KCNT1: variants seen among roughly 807,000 people sequenced by gnomAD.
KCNT1 encodes the protein potassium channel subfamily T member 1.
In KCNT1, 78 loss-of-function variants were observed where a neutral mutation model predicts 147.8. That is an observed-to-expected ratio of 0.53 (90% CI 0.44 to 0.64). The LOEUF (loss-of-function observed/expected upper bound fraction) is 0.64, where lower values mean the gene tolerates loss of function less well. Among genes scored for constraint, KCNT1 ranks in the 30% least tolerant of loss-of-function variants. The pLI, the probability that KCNT1 is intolerant of heterozygous loss-of-function variation, is 0.00. For missense variants in KCNT1, 1,419 were observed against 1,750.3 expected (o/e 0.81, Z 3.38); for synonymous variants, 867 against 748.8 (o/e 1.16, Z -2.58).
chr9:135,759,226 G>A (rs530660022), intron 10 of KCNT1, among the ~76,000 whole-genome samples: 196 of 152,316 alleles, frequency 1.3e-3, no homozygotes, highest in African/African-American at 2.0e-3. Flanking sequence ...TGGCTGTGCC[G>A]GGCAGAGGCC....
chr9:135,792,093 C>G lies in KCNT1; in HGVS notation c.3640C>G (p.Arg1214Gly). ...TCACGTGGCCAGCAGCTCCCAGAGC[C>G]GGAAGAGCAGCTGCAGCCACAAGCT... ...LAHVASSSQS[R>G]KSSCSHKLSS... The change falls in exon 31 of 31, where the codon CGG becomes GGG. Residue 1214 changes from arginine (R) to glycine (G), a missense_variant. By Grantham distance (125) the Arg-to-Gly change is moderately radical. Around this residue, in one of 5 missense-constraint regions of KCNT1, gnomAD observed 306 missense variants for 294.2 expected, o/e 1.04. Coordinates refer to ENST00000371757, the MANE Select transcript of KCNT1 (RefSeq NM_020822.3). 6.2e-7 allele frequency: 1 copy of G among 1,604,168 alleles called. No homozygotes were observed. Among genetic ancestry groups the G allele is most frequent in the Non-Finnish European group, 8.5e-7 (1 of 1,179,416 alleles).
At chr9:135,742,639 G>T (rs1416849456) in intron 2 of KCNT1, 4 of 672,500 alleles carry the variant, frequency 5.9e-6, no homozygotes, top group African/African-American at 5.3e-5. Flanking sequence ...TCTGTGCCCC[G>T]CCTGGTCCCA....
chr9:135,765,796 C>T (rs762322451), intron 13 of KCNT1, 36 bp downstream of exon 13: 2 of 1,538,626 alleles, frequency 1.3e-6, no homozygotes, highest in Non-Finnish European at 1.8e-6. Flanking sequence ...GGCATGGGGG[C>T]ACCTTCCTGA....
At position 135,751,004 on chromosome 9, in the gene KCNT1, C is replaced by T. The variant is rs773766129; in HGVS notation, c.397C>T (p.Arg133Cys). 2.5e-6 allele frequency: 4 copies of T among 1,612,800 alleles called. No individual in the cohort carries two copies. Among genetic ancestry groups the T allele is most frequent in the Middle Eastern group, 1.7e-4 (1 of 6,052 alleles). The change falls in exon 4 of 31, where the codon CGC (arginine) becomes TGC (cysteine). Residue 133 changes from arginine (R) to cysteine (C), a missense_variant. Arg to Cys is a radical substitution (Grantham distance 180). This residue lies in a region of KCNT1 where 401 missense variants were observed against 610.6 expected (regional missense o/e 0.66). Coordinates refer to ENST00000371757, the MANE Select transcript of KCNT1 (RefSeq NM_020822.3). ...GCTCACCTGCCTGCTCTACATTGTG[C>T]GCGTCCTGCTCGATGACCCGGCCCT... ...KLLTCLLYIV[R>C]VLLDDPALGI...
chr9:135,782,040 C>A (rs970678782), intron 24 of KCNT1, among the ~76,000 whole-genome samples: 1 of 152,130 alleles, frequency 6.6e-6, no homozygotes, highest in African/African-American at 2.4e-5. Context: ...ATGGAGAAAC[C>A]TCTCTACTAA....
At chr9:135,713,556 A>G (rs1166494797) in intron 1 of KCNT1, among the ~76,000 whole-genome samples, 1 of 152,178 alleles carries the variant, frequency 6.6e-6, no homozygotes, top group East Asian at 1.9e-4. Context: ...TGGTGTTCCA[A>G]ATGAGTGGCC....
intron 1 of KCNT1, among the ~76,000 whole-genome samples, chr9:135,709,779 C>T (rs867371101): frequency 5.9e-5 from 9 of 152,152 alleles, no homozygotes; most frequent in Middle Eastern, 3.4e-3. Flanking sequence ...CTCCTGGGTT[C>T]CAACAATTCT....
At chr9:135,751,292 G>A (rs970391123) in intron 4 of KCNT1, among the ~76,000 whole-genome samples, 7 of 151,848 alleles carry the variant, frequency 4.6e-5, no homozygotes, top group African/African-American at 1.2e-4. Flanking sequence ...AGCTACTAGC[G>A]GACCCAGAAG....
chr9:135,708,256 A>G (rs1357070075), intron 1 of KCNT1, among the ~76,000 whole-genome samples: 12 of 152,204 alleles, frequency 7.9e-5, no homozygotes, highest in Admixed American at 7.2e-4. Flanking sequence ...ACATGTATAC[A>G]TATGCCCATG....
chr9:135,716,346 G>A (rs1232123487), intron 2 of KCNT1, among the ~76,000 whole-genome samples: 1 of 152,194 alleles, frequency 6.6e-6, no homozygotes, highest in East Asian at 1.9e-4. Context: ...TTCAGGAGTG[G>A]ACAGCAGAGG....
chr9:135,742,643 G>C (rs1297630143), intron 2 of KCNT1: 19 of 678,132 alleles, frequency 2.8e-5, no homozygotes, highest in Middle Eastern at 2.4e-4. Flanking sequence ...TGCCCCGCCT[G>C]GTCCCAGAGC....
In KCNT1 at chr9:135,753,421, G is replaced by A. The variant is rs553290968; in HGVS notation, c.435-516G>A. Among the ~76,000 whole-genome samples the A allele has an allele frequency of 9.2e-5, 14 of 152,294 alleles. No individual in the cohort carries two copies. In the East Asian group the frequency reaches 2.7e-3, roughly 29 times the overall value. ...GCTGGTTCCAGGTGGCTTGGGGGCC[G>A]CTTGTCCTCAGAAGCAGCTTAGGGA... On this transcript the variant is annotated intron_variant, in intron 4 of 30. Coordinates refer to ENST00000371757, the MANE Select transcript of KCNT1 (RefSeq NM_020822.3).
At chr9:135,759,350 T>C (rs998737515) in intron 10 of KCNT1, among the ~76,000 whole-genome samples, 3 of 152,122 alleles carry the variant, frequency 2.0e-5, no homozygotes, top group African/African-American at 7.2e-5. Flanking sequence ...CATCCCCTGC[T>C]CCCAGAGAAT....
At chr9:135,791,563 CAG>C in intron 29 of KCNT1, 1 of 538,762 alleles carries the variant, frequency 1.9e-6, no homozygotes, top group Non-Finnish European at 3.4e-6. Context: ...GGGTGCGGGT[CAG>C]AGCTGGCTCC....
At chr9:135,729,045 A>G (rs11103147) in intron 2 of KCNT1, among the ~76,000 whole-genome samples, 21,086 of 152,238 alleles carry the variant, frequency 0.14, 1,624 homozygotes, top group South Asian at 0.18. Flanking sequence ...GAGGTCATTC[A>G]GTTGGGCCCT....
intron 2 of KCNT1, among the ~76,000 whole-genome samples, chr9:135,724,219 T>C (rs1051287461): frequency 6.6e-6 from 1 of 152,166 alleles, no homozygotes; most frequent in African/African-American, 2.4e-5. Flanking sequence ...CTTTGTGTCC[T>C]CCCCATGGGG....
At chr9:135,707,239 G>A (rs1835294481) in intron 1 of KCNT1, among the ~76,000 whole-genome samples, 1 of 152,114 alleles carries the variant, frequency 6.6e-6, no homozygotes, top group South Asian at 2.1e-4. Context: ...GTTCTCTGGG[G>A]GAATGAGCAG....
chr9:135,784,488 T>TA, intron 25 of KCNT1, 47 bp from the exon 26 acceptor site: 1 of 85,986 alleles, frequency 1.2e-5, no homozygotes, highest in Non-Finnish European at 2.2e-5. Context: ...TGTGGCTCCC[T>TA]CCCTCCCTCC....
chr9:135,704,641 C>T lies in KCNT1; in HGVS notation c.110+2273C>T, dbSNP rs529440569. 1.6e-3 allele frequency among the ~76,000 whole-genome samples: 237 copies of T among 152,338 alleles called. 1 individual carries two copies. Among genetic ancestry groups the T allele is most frequent in the African/African-American group, 5.5e-3 (229 of 41,584 alleles). ...CCCAGCGCACTTCGCATCAGAGCCCCTGCCAGGCCTTTCCTGGAAATACCA... is the reference window on the plus strand; with the variant it reads ...CCCAGCGCACTTCGCATCAGAGCCCTTGCCAGGCCTTTCCTGGAAATACCA... On this transcript the variant is annotated intron_variant, in intron 1 of 30. Coordinates refer to ENST00000371757, the MANE Select transcript of KCNT1 (RefSeq NM_020822.3).
Sources: gnomAD v4.1 joint callset for allele counts (sites outside exome capture counted in the v4.1 genomes callset) on GRCh38, gnomAD v4.1.1 for gene constraint, gnomAD v4.1.1 regional missense constraint, MANE v1.5 for transcripts, NCBI Gene and HGNC (gene_info 2026-07-23, HGNC 2026-07-21) for gene names.